The following GLT1D1 variants were observed in gnomAD, a reference collection of about 807,000 sequenced individuals.
GLT1D1 encodes the protein glycosyltransferase 1 domain-containing protein 1.
In GLT1D1, 21 loss-of-function variants were observed where a neutral mutation model predicts 28.7. The ratio of observed to expected loss-of-function variants is 0.73; its 90% CI spans 0.52 to 1.05. The LOEUF (loss-of-function observed/expected upper bound fraction) is 1.05, where lower values mean the gene tolerates loss of function less well. Among genes scored for constraint, GLT1D1 ranks in the 50% least tolerant of loss-of-function variants. The pLI, the probability that GLT1D1 is intolerant of heterozygous loss-of-function variation, is 0.00. For missense variants in GLT1D1, 343 were observed against 330.6 expected (o/e 1.04, Z -0.29); for synonymous variants, 147 against 124.8 (o/e 1.18, Z -1.19).
At position 128,981,065 on chromosome 12, in the gene GLT1D1, G is replaced by T. The variant is rs140727618; in HGVS notation, c.640-1864G>T. On this transcript the variant is annotated intron_variant, in intron 7 of 7. Transcript: ENST00000281703. Reference sequence around the variant, plus strand: ...AGAAAATCCCAGAGCCTCAGGGAGTGACTTAGGATTCAAGAGAGATTTTTG... The same window carrying T: ...AGAAAATCCCAGAGCCTCAGGGAGTTACTTAGGATTCAAGAGAGATTTTTG... Among the ~76,000 whole-genome samples, 1,382 of 152,306 alleles carry T rather than the reference G, an allele frequency of 9.1e-3. 15 individuals are homozygous for T. The highest frequency in any genetic ancestry group is 0.013 in the Non-Finnish European group (875 of 68,030).
intron 6 of GLT1D1, among the ~76,000 whole-genome samples, chr12:128,950,936 G>C (rs1876629856): frequency 6.6e-6 from 1 of 152,130 alleles, no homozygotes; most frequent in Non-Finnish European, 1.5e-5. Context: ...CAATTAGGAG[G>C]AATAAGTTCA....
chr12:128,945,031 G>C (rs1875853011), intron 4 of GLT1D1: 2 of 625,330 alleles, frequency 3.2e-6, no homozygotes, highest in South Asian at 3.9e-5. Flanking sequence ...CCACCTATGA[G>C]TGAGAACATG....
chr12:128,888,946 T>C (rs144563441), intron 3 of GLT1D1, among the ~76,000 whole-genome samples: 2 of 152,340 alleles, frequency 1.3e-5, no homozygotes, highest in African/African-American at 4.8e-5. Context: ...TGCACTTAAG[T>C]CTTCAACTAC....
At chr12:128,926,555 C>A in intron 4 of GLT1D1, 101 bp downstream of exon 7, 1 of 641,828 alleles carries the variant, frequency 1.6e-6, no homozygotes, top group Non-Finnish European at 2.8e-6. Flanking sequence ...TTTCCTCATT[C>A]TTTGCACGTG....
chr12:128,885,951 C>A (rs1593083213), intron 2 of GLT1D1, among the ~76,000 whole-genome samples: 1 of 152,190 alleles, frequency 6.6e-6, no homozygotes, highest in East Asian at 1.9e-4. Flanking sequence ...ATAGCTCCCA[C>A]AATTCCCGTG....
intron 4 of GLT1D1, among the ~76,000 whole-genome samples, chr12:128,941,641 C>T (rs1474132710): frequency 7.1e-6 from 1 of 140,120 alleles, no homozygotes; most frequent in Non-Finnish European, 1.5e-5. Context: ...GCGGTCATCT[C>T]GGCTCACTGC....
intron 4 of GLT1D1, among the ~76,000 whole-genome samples, chr12:128,925,880 A>C (rs899940946): frequency 1.6e-4 from 25 of 152,196 alleles, no homozygotes; most frequent in African/African-American, 6.0e-4. Context: ...AGTTTACAGC[A>C]AGGAAATTAA....
intron 7 of GLT1D1, among the ~76,000 whole-genome samples, chr12:128,979,053 G>A (rs1269017443): frequency 6.6e-6 from 1 of 152,154 alleles, no homozygotes; most frequent in Non-Finnish European, 1.5e-5. Flanking sequence ...GACTTAGAAT[G>A]CCTTAGCCTC....
At chr12:128,867,799 A>C (rs1206633025) in intron 1 of GLT1D1, among the ~76,000 whole-genome samples, 7 of 152,130 alleles carry the variant, frequency 4.6e-5, no homozygotes, top group Non-Finnish European at 1.0e-4. Context: ...GGAGCATGGA[A>C]TCTCCCCAGA....
chr12:128,908,904 G>A (rs934662531), intron 4 of GLT1D1, among the ~76,000 whole-genome samples: 3 of 152,070 alleles, frequency 2.0e-5, no homozygotes, highest in Non-Finnish European at 2.9e-5. Flanking sequence ...AGCCGAGATC[G>A]CGCCCCTGCA....
At chr12:128,973,348 A>ATTT (rs369304204) in intron 7 of GLT1D1, among the ~76,000 whole-genome samples, 8,099 of 118,696 alleles carry the variant, frequency 0.068, 692 homozygotes, top group Admixed American at 0.16. Flanking sequence ...ACACCTGGCT[A>ATTT]TTTTTTTTTT....
chr12:128,938,077 A>G (rs2135473221), intron 4 of GLT1D1, among the ~76,000 whole-genome samples: 1 of 152,358 alleles, frequency 6.6e-6, no homozygotes, highest in East Asian at 1.9e-4. Context: ...GCAGCAGAGC[A>G]TAGTTTTACA....
chr12:128,923,362 G>A (rs185119426), intron 4 of GLT1D1, among the ~76,000 whole-genome samples: 15 of 152,214 alleles, frequency 9.9e-5, no homozygotes, highest in East Asian at 5.8e-4. Context: ...TGCATGCGTC[G>A]TGTACTGAGC....
intron 3 of GLT1D1, among the ~76,000 whole-genome samples, chr12:128,889,439 A>G (rs930959516): frequency 2.0e-5 from 3 of 152,154 alleles, no homozygotes; most frequent in African/African-American, 7.2e-5. Flanking sequence ...TACAGGGGTC[A>G]CTGTGATAAT....
At chr12:128,874,124 CTCTTTCTTTCTT>C (rs756979442) in intron 1 of GLT1D1, among the ~76,000 whole-genome samples, 572 of 39,142 alleles carry the variant, frequency 0.015, 16 homozygotes, top group Non-Finnish European at 0.017. Flanking sequence ...CTCTCTCTCT[CTCTTTCTTTCTT>C]TCTTTCTTTC....
chr12:128,971,878 C>A (rs1879217829), intron 7 of GLT1D1, among the ~76,000 whole-genome samples: 1 of 132,426 alleles, frequency 7.6e-6, no homozygotes, highest in African/African-American at 3.1e-5. Context: ...CTCCCTCCCT[C>A]CTCTCTCCCT....
intron 3 of GLT1D1, among the ~76,000 whole-genome samples, chr12:128,892,863 A>G (rs561558656): frequency 7.4e-4 from 113 of 152,244 alleles, no homozygotes; most frequent in South Asian, 2.1e-3. Flanking sequence ...AGTACTTGAT[A>G]ATTACATTAT....
intron 7 of GLT1D1, among the ~76,000 whole-genome samples, chr12:128,965,885 C>T (rs470946): frequency 0.062 from 7,874 of 126,844 alleles, 694 homozygotes; most frequent in African/African-American, 0.19. Context: ...ACAGCAAGAC[C>T]CTGTCTCAAA....
intron 7 of GLT1D1, among the ~76,000 whole-genome samples, chr12:128,966,091 C>G (rs1878429707): frequency 6.6e-6 from 1 of 152,240 alleles, no homozygotes; most frequent in Non-Finnish European, 1.5e-5. Flanking sequence ...TTCATAGGGT[C>G]TTACTGGAGA....
Sources: gnomAD v4.1 joint callset for allele counts (sites outside exome capture counted in the v4.1 genomes callset) on GRCh38, gnomAD v4.1.1 for gene constraint, MANE v1.5 for transcripts, NCBI Gene and HGNC (gene_info 2026-07-23, HGNC 2026-07-21) for gene names.